Variants in RBMS3 observed in about 807,000 individuals in gnomAD.
The protein encoded by RBMS3 is RNA binding motif single stranded interacting protein 3, also known as RNA-binding motif, single-stranded-interacting protein 3.
In RBMS3, 27 loss-of-function variants were observed where a neutral mutation model predicts 66.8. The ratio of observed to expected loss-of-function variants is 0.40; its 90% confidence interval spans 0.30 to 0.56. RBMS3 has a LOEUF of 0.56. RBMS3 is among the 20% of genes least tolerant of loss of function. RBMS3 has a pLI of 0.40. For missense variants in RBMS3, 513 were observed against 549.5 expected, an observed-to-expected ratio of 0.93 and a Z score of 0.66; for synonymous variants, 188 against 183.0, an observed-to-expected ratio of 1.03 and a Z score of -0.22.
At chr3:29,968,189 C>A (rs1383177996) in intron 12 of RBMS3, among the ~76,000 whole-genome samples, 1 of 147,908 alleles carries the variant, frequency 6.8e-6, no homozygotes, top group Non-Finnish European at 1.5e-5. Flanking sequence ...CCCACGGCTG[C>A]CCACCCGGCC....
chr3:29,569,452 TTATAAA>T (rs2046865149), intron 3 of RBMS3, among the ~76,000 whole-genome samples: 1 of 152,158 alleles, frequency 6.6e-6, no homozygotes, highest in Non-Finnish European at 1.5e-5. Context: ...CACTTTCAAC[TTATAAA>T]TAAATATGTA....
intron 2 of RBMS3, among the ~76,000 whole-genome samples, chr3:29,465,105 C>A (rs766417471): frequency 6.6e-6 from 1 of 152,146 alleles, no homozygotes; most frequent in Non-Finnish European, 1.5e-5. Flanking sequence ...AATCTCATTT[C>A]TCTGAAGGAA....
intron 2 of RBMS3, among the ~76,000 whole-genome samples, chr3:29,478,792 C>T (rs1486330778): frequency 6.6e-6 from 1 of 152,202 alleles, no homozygotes; most frequent in East Asian, 1.9e-4. Context: ...ATGTTGGATA[C>T]ACAGTTGTAC....
intron 4 of RBMS3, among the ~76,000 whole-genome samples, chr3:29,609,430 A>T (rs2048421278): frequency 6.6e-6 from 1 of 151,962 alleles, no homozygotes. Flanking sequence ...GATTCTGGGC[A>T]TCCTAAGGGA....
chr3:29,936,321 G>A, intron 11 of RBMS3, 125 bp downstream of exon 11: 2 of 899,044 alleles, frequency 2.2e-6, no homozygotes, highest in Non-Finnish European at 3.5e-6. Context: ...CATCTTTCAG[G>A]TTTCAGTATG....
At chr3:29,910,512 G>T (rs942184334) in intron 10 of RBMS3, among the ~76,000 whole-genome samples, 2 of 152,036 alleles carry the variant, frequency 1.3e-5, no homozygotes, top group African/African-American at 2.4e-5. Context: ...TAAATCAAAA[G>T]ATATTATTTT....
intron 3 of RBMS3, among the ~76,000 whole-genome samples, chr3:29,495,702 G>A (rs1329757860): frequency 7.2e-5 from 11 of 152,052 alleles, no homozygotes; most frequent in Admixed American, 7.2e-4. Flanking sequence ...ACAGGTGTGA[G>A]CCACTGCGCC....
At chr3:29,352,414 G>C (rs961463041) in intron 1 of RBMS3, among the ~76,000 whole-genome samples, 1 of 151,844 alleles carries the variant, frequency 6.6e-6, no homozygotes, top group Non-Finnish European at 1.5e-5. Context: ...CTTCACTTAA[G>C]TGATATAAAT....
chr3:29,377,346 G>A (rs1264468013), intron 1 of RBMS3, among the ~76,000 whole-genome samples: 1 of 152,166 alleles, frequency 6.6e-6, no homozygotes, highest in East Asian at 1.9e-4. Context: ...CTGGTCTCGG[G>A]TGAGGCCTGC....
At chr3:29,383,777 T>C (rs1559535830) in intron 1 of RBMS3, among the ~76,000 whole-genome samples, 1 of 152,224 alleles carries the variant, frequency 6.6e-6, no homozygotes, top group African/African-American at 2.4e-5. Context: ...GCTCTTCTAC[T>C]TACTAACAAT....
chr3:29,703,891 A>G (rs1447512094), intron 4 of RBMS3, among the ~76,000 whole-genome samples: 1 of 152,118 alleles, frequency 6.6e-6, no homozygotes, highest in Admixed American at 6.6e-5. Flanking sequence ...GCTGCTCCCA[A>G]TCACCCACAT....
chr3:29,638,225 T>C (rs2049546253), intron 4 of RBMS3, among the ~76,000 whole-genome samples: 1 of 139,630 alleles, frequency 7.2e-6, no homozygotes, highest in African/African-American at 2.8e-5. Flanking sequence ...TGAGTTTTCT[T>C]GTAGTAATTT....
chr3:29,906,768 CAT>C (rs2060390275), intron 10 of RBMS3, among the ~76,000 whole-genome samples: 1 of 152,016 alleles, frequency 6.6e-6, no homozygotes, highest in Non-Finnish European at 1.5e-5. Context: ...TCTAATGTTA[CAT>C]GTTTCCAGAT....
chr3:29,313,938 A>T (rs893260121), intron 1 of RBMS3, among the ~76,000 whole-genome samples: 1 of 151,666 alleles, frequency 6.6e-6, no homozygotes, highest in Non-Finnish European at 1.5e-5. Context: ...CACAAATTAG[A>T]TGGATTATCC....
Position 29,698,624 on chromosome 3 carries a change from T to G in RBMS3, c.400-41096T>G, listed in dbSNP as rs548055926. On this transcript the variant is annotated intron_variant, in intron 4 of 14. Transcript: ENST00000383767. ...TACCAAAACACGAAGGACAAGTGAG[T>G]ACAATCATATATTGTTACCATCTCC... The G allele has an allele frequency of 1.2e-5, 12 of 977,438 alleles. 1 individual carries two copies. In the African/African-American group the frequency reaches 2.1e-4, roughly 17 times the overall value. The allele number at this position is 977,438 out of a possible 1,614,324, so 60.5% of individuals were successfully genotyped here.
At chr3:29,526,673 A>T (rs2148984623) in intron 3 of RBMS3, among the ~76,000 whole-genome samples, 1 of 151,932 alleles carries the variant, frequency 6.6e-6, no homozygotes, top group Non-Finnish European at 1.5e-5. Flanking sequence ...CCACTGGTGT[A>T]AAATTTGCTG....
intron 4 of RBMS3, among the ~76,000 whole-genome samples, chr3:29,701,301 A>T (rs1294405353): frequency 6.6e-6 from 1 of 152,120 alleles, no homozygotes; most frequent in Admixed American, 6.5e-5. Flanking sequence ...AAAGAAAAAA[A>T]GTTTTAAGTA....
intron 1 of RBMS3, among the ~76,000 whole-genome samples, chr3:29,376,509 G>A (rs979969123): frequency 2.6e-4 from 40 of 152,266 alleles, no homozygotes; most frequent in African/African-American, 9.6e-4. Flanking sequence ...GGTGGTTCAC[G>A]CCTGTAATCC....
In RBMS3 at chr3:29,811,882, G is replaced by T. The variant is rs200414608; in HGVS notation, c.637+48893G>T. Among the ~76,000 whole-genome samples the T allele has an allele frequency of 3.9e-5, 6 of 152,116 alleles. No homozygotes were observed. The East Asian group carries it at 9.6e-4, about 24-fold the overall frequency. On this transcript the variant is annotated intron_variant, in intron 6 of 14. Transcript: ENST00000383767. ...CCATGGTTGCTGGTGATTGCTGAGG[G>T]TATGCTCTGCCGTTTCTTAGGAAGT... is the stretch of plus-strand genomic sequence containing the variant.
Sources: gnomAD v4.1 joint callset for allele counts (sites outside exome capture counted in the v4.1 genomes callset) on GRCh38, gnomAD v4.1.1 for gene constraint, MANE v1.5 for transcripts, NCBI Gene and HGNC (gene_info 2026-07-23, HGNC 2026-07-21) for gene names.